The following POLB variants were observed in gnomAD, a reference collection of about 807,000 sequenced individuals.
The protein encoded by POLB is DNA polymerase beta.
A neutral mutation model predicts 52.7 loss-of-function variants in POLB; 37 were observed. The observed-to-expected ratio is 0.70, with a 90% CI of 0.54 to 0.92. POLB has a LOEUF of 0.92. Ranked by LOEUF, POLB falls within the 40% of genes least tolerant of loss-of-function variation. The pLI is 0.00. For synonymous variants in POLB, 138 were observed against 131.3 expected, an observed-to-expected ratio of 1.05 and a Z score of -0.35; for missense variants, 313 against 400.8, an observed-to-expected ratio of 0.78 and a Z score of 1.87.
intron 12 of POLB, 107 bp from the exon 13 acceptor site, chr8:42,369,742 C>G: frequency 1.5e-6 from 1 of 688,180 alleles, no homozygotes. Context: ...TATTAGACCA[C>G]TTAGGCTTAT....
At chr8:42,370,167 T>C (rs1326022769) in intron 13 of POLB, 179 bp downstream of exon 13, 1 of 690,516 alleles carries the variant, frequency 1.4e-6, no homozygotes, top group Non-Finnish European at 2.6e-6. Flanking sequence ...AGGCCCTCAG[T>C]TGAAGGCCAT....
At chr8:42,350,108 AT>A in intron 5 of POLB, 43 bp downstream of exon 5, 1 of 1,307,946 alleles carries the variant, frequency 7.6e-7, no homozygotes. Context: ...CAGTTAGTTT[AT>A]TTTTCCTGTT....
At chr8:42,352,138 T>C (rs1823009288) in intron 5 of POLB, among the ~76,000 whole-genome samples, 1 of 152,244 alleles carries the variant, frequency 6.6e-6, no homozygotes, top group Non-Finnish European at 1.5e-5. Flanking sequence ...CTTGTTTATG[T>C]AACTAACTAT....
At chr8:42,342,903 C>T (rs1032069874) in intron 2 of POLB, among the ~76,000 whole-genome samples, 6 of 152,058 alleles carry the variant, frequency 3.9e-5, no homozygotes, top group Non-Finnish European at 8.8e-5. Context: ...AATAGCTATC[C>T]AAGGGCTGCG....
At chr8:42,340,539 C>G (rs1357584066) in intron 2 of POLB, among the ~76,000 whole-genome samples, 1 of 152,184 alleles carries the variant, frequency 6.6e-6, no homozygotes, top group Non-Finnish European at 1.5e-5. Flanking sequence ...ATGCTGGTCC[C>G]AGGCATTTCA....
Position 42,361,127 on chromosome 8 carries a change from G to A in POLB, c.551-168G>A, listed in dbSNP as rs1442060434. Reference sequence around the variant, plus strand: ...CTGTCTACATCAATACACCTGAATAGTTGGACAGAAAATTGAAATCTTTTA... The same window carrying A: ...CTGTCTACATCAATACACCTGAATAATTGGACAGAAAATTGAAATCTTTTA... On this transcript the variant is annotated intron_variant, in intron 9 of 13. Transcript: ENST00000265421. The A allele has an allele frequency of 4.3e-6, 3 of 698,962 alleles. No homozygotes were observed. In the Admixed American group the frequency reaches 6.0e-5, roughly 14 times the overall value. The allele number at this position is 698,962 out of a possible 1,614,324, so 43.3% of individuals were successfully genotyped here.
At chr8:42,339,379 C>G (rs1822051484) in intron 2 of POLB, 2 of 370,124 alleles carry the variant, frequency 5.4e-6, no homozygotes, top group East Asian at 6.1e-5. Context: ...GAAGTCCATA[C>G]TGTGAAATAT....
At chr8:42,352,714 G>C (rs1452489247) in intron 6 of POLB, 146 bp downstream of exon 6, 1 of 616,556 alleles carries the variant, frequency 1.6e-6, no homozygotes, top group Non-Finnish European at 2.9e-6. Flanking sequence ...TAGTACAGTA[G>C]ATATAGGGTA....
At chr8:42,354,533 A>G in intron 6 of POLB, 1 of 1,094,350 alleles carries the variant, frequency 9.1e-7, no homozygotes, top group Non-Finnish European at 1.2e-6. Flanking sequence ...TACAGTAATA[A>G]TTTTCCTTTC....
At chr8:42,338,764 A>G (rs1467201099) in intron 1 of POLB, 79 bp downstream of exon 1, 2 of 1,366,260 alleles carry the variant, frequency 1.5e-6, no homozygotes, top group East Asian at 2.3e-5. Flanking sequence ...TCCCACACCG[A>G]CAGTCCAGTG....
intron 4 of POLB, among the ~76,000 whole-genome samples, chr8:42,349,805 A>T (rs746511487): frequency 3.3e-5 from 5 of 152,228 alleles, no homozygotes; most frequent in Non-Finnish European, 5.9e-5. Context: ...AAAGTATTGG[A>T]TAACTTAGAG....
chr8:42,362,624 C>A lies in POLB; in HGVS notation c.634C>A (p.His212Asn). ...TATGATTCTACAGCCAAAACTGTTA[C>A]ATCAGGTTGTGGAGCAGTTACAAAA... Reference protein sequence around the residue: ...SESTKQPKLLHQVVEQLQKVH... With the variant: ...SESTKQPKLLNQVVEQLQKVH... Residue 212 changes from histidine (H) to asparagine (N), a missense_variant, in exon 11 of 14, where the codon CAT becomes AAT. Physicochemically the swap from His to Asn is moderately conservative, Grantham distance 68. Coordinates refer to ENST00000265421, the MANE Select transcript of POLB (RefSeq NM_002690.3). 2 of 1,604,836 alleles carry A rather than the reference C, an allele frequency of 1.2e-6. No homozygotes were observed. The highest frequency in any genetic ancestry group is 8.5e-7 in the Non-Finnish European group (1 of 1,171,852).
intron 9 of POLB, among the ~76,000 whole-genome samples, chr8:42,358,138 G>A (rs572221338): frequency 2.6e-5 from 4 of 152,256 alleles, no homozygotes; most frequent in Admixed American, 2.0e-4. Context: ...GTGAATGTGA[G>A]CAAAGTAAGA....
rs144466754 is a variant in POLB at position 42,365,238 on chromosome 8, A to G, written c.708+2540A>G. Among the ~76,000 whole-genome samples, 515 of 152,356 alleles carry G rather than the reference A, an allele frequency of 3.4e-3. 5 individuals are homozygous for G. The highest frequency in any genetic ancestry group is 0.012 in the African/African-American group (486 of 41,572). On this transcript the variant is annotated intron_variant, in intron 11 of 13. Transcript: ENST00000265421. ...TATTTTCTAAGGTGGTCACACTTTA[A>G]CAATGCTTCCAAACGAACTTTGGAA...
chr8:42,355,714 A>C (rs1310886518), intron 7 of POLB, 147 bp downstream of exon 7: 1 of 588,824 alleles, frequency 1.7e-6, no homozygotes, highest in Non-Finnish European at 3.1e-6. Flanking sequence ...GGACTCTTAC[A>C]GAGTATCTGC....
chr8:42,346,639 C>T (rs1822632518), intron 3 of POLB, among the ~76,000 whole-genome samples: 1 of 151,864 alleles, frequency 6.6e-6, no homozygotes, highest in African/African-American at 2.4e-5. Flanking sequence ...AGTGATCCTC[C>T]TGCCTCAGCC....
chr8:42,353,646 A>C (rs1235754258), intron 6 of POLB, among the ~76,000 whole-genome samples: 1 of 151,614 alleles, frequency 6.6e-6, no homozygotes, highest in East Asian at 1.9e-4. Context: ...ATACATATGG[A>C]TTCATTACAG....
At chr8:42,364,215 C>T (rs756488630) in intron 11 of POLB, among the ~76,000 whole-genome samples, 1 of 152,048 alleles carries the variant, frequency 6.6e-6, no homozygotes, top group Non-Finnish European at 1.5e-5. Context: ...GCATGAACCA[C>T]CGTGCCCAGC....
chr8:42,350,131 A>G (rs1822884621), intron 5 of POLB, 66 bp downstream of exon 5: 2 of 1,024,364 alleles, frequency 2.0e-6, no homozygotes, highest in Admixed American at 3.4e-5. Flanking sequence ...GCCAAAGTAA[A>G]TTACATGCTG....
Sources: gnomAD v4.1 joint callset for allele counts (sites outside exome capture counted in the v4.1 genomes callset) on GRCh38, gnomAD v4.1.1 for gene constraint, MANE v1.5 for transcripts, NCBI Gene and HGNC (gene_info 2026-07-23, HGNC 2026-07-21) for gene names.